The following AK9 variants were observed in gnomAD, a reference collection of about 807,000 sequenced individuals.
The protein encoded by AK9 is adenylate kinase domain containing 1.
AK9 carries 191 observed loss-of-function variants against 239.6 expected under a neutral mutation model. That is an observed-to-expected ratio of 0.80 (90% CI 0.71 to 0.90). The LOEUF (loss-of-function observed/expected upper bound fraction) is 0.90, where lower values mean the gene tolerates loss of function less well. Among genes scored for constraint, AK9 ranks in the 40% least tolerant of loss-of-function variants. The pLI is 0.00. For synonymous variants in AK9, 689 were observed against 721.0 expected (o/e 0.96, Z 0.71); for missense variants, 1,995 against 2,214.7 (o/e 0.90, Z 1.99).
Position 109,672,107 on chromosome 6 carries a change from T to G in AK9, c.234+8A>C, listed in dbSNP as rs1771001826. 3 of 1,613,358 alleles carry G rather than the reference T, an allele frequency of 1.9e-6. No homozygotes were observed. On this transcript the variant is annotated splice_region_variant and intron_variant, in intron 4 of 40. Transcript: ENST00000424296. Reference sequence around the variant, plus strand: ...ATCATAGTTACTTTGAAATTTAGGTTTGTTTACCATAACTCCTGATTCGGT... The same window carrying G: ...ATCATAGTTACTTTGAAATTTAGGTGTGTTTACCATAACTCCTGATTCGGT...
At position 109,648,576 on chromosome 6, in the gene AK9, C is replaced by T. The variant is rs541939362; in HGVS notation, c.760-3888G>A. Among the ~76,000 whole-genome samples the T allele has an allele frequency of 4.0e-3, 604 of 152,222 alleles. 1 individual carries two copies. The highest frequency in any genetic ancestry group is 0.013 in the African/African-American group (556 of 41,542). On this transcript the variant is annotated intron_variant, in intron 8 of 40. Coordinates refer to ENST00000424296, the MANE Select transcript of AK9 (RefSeq NM_001145128.3). ...AATCTCTGAATAGACCAATAACAGG[C>T]TCTGAAATTGACGCAATAATCAATA...
chr6:109,504,862 G>A (rs187692689), intron 35 of AK9, among the ~76,000 whole-genome samples: 3 of 152,216 alleles, frequency 2.0e-5, no homozygotes, highest in Non-Finnish European at 4.4e-5. Flanking sequence ...GCAACTCTAC[G>A]CCTGAAAGTA....
chr6:109,636,750 T>TCACACACACACACACACACACACACACA (rs57475668), intron 10 of AK9, among the ~76,000 whole-genome samples: 4 of 135,574 alleles, frequency 3.0e-5, no homozygotes, highest in East Asian at 4.6e-4. Flanking sequence ...TAATATTCCA[T>TCACACACACACACACACACACACACACA]CACACACACA....
chr6:109,517,311 A>G (rs1779379701), intron 29 of AK9, among the ~76,000 whole-genome samples: 1 of 152,188 alleles, frequency 6.6e-6, no homozygotes, highest in Non-Finnish European at 1.5e-5. Flanking sequence ...AAATTGTTTA[A>G]AAATTTCTTT....
chr6:109,576,145 G>A (rs989610325), intron 20 of AK9, among the ~76,000 whole-genome samples: 1 of 151,918 alleles, frequency 6.6e-6, no homozygotes, highest in Non-Finnish European at 1.5e-5. Context: ...GTCTTCCTTG[G>A]CTATGTGGGA....
chr6:109,597,545 C>T (rs988417527), intron 17 of AK9, among the ~76,000 whole-genome samples: 9 of 151,808 alleles, frequency 5.9e-5, no homozygotes, highest in East Asian at 1.9e-4. Context: ...TGGTGGCGGG[C>T]GCCTGTAGCC....
At chr6:109,545,837 C>CAAACAAA (rs1464125614) in intron 26 of AK9, 30 bp downstream of exon 26, 1 of 1,570,950 alleles carries the variant, frequency 6.4e-7, no homozygotes, top group Non-Finnish European at 8.6e-7. Context: ...AAAAACAAAA[C>CAAACAAA]AAACAAAAAA....
chr6:109,620,383 A>G (rs554303649), intron 12 of AK9, among the ~76,000 whole-genome samples: 6 of 152,284 alleles, frequency 3.9e-5, no homozygotes, highest in Admixed American at 2.0e-4. Flanking sequence ...TTAAATTTAC[A>G]GTTCCTGAAT....
intron 24 of AK9, among the ~76,000 whole-genome samples, chr6:109,554,533 T>C (rs1366774814): frequency 2.9e-4 from 39 of 136,636 alleles, no homozygotes; most frequent in Admixed American, 1.1e-3. Context: ...TTCTTTTTTT[T>C]TTTTTTTTTT....
rs1650807151 is a variant in AK9 at position 109,563,516 on chromosome 6, C to A, written c.2751+81G>T. On this transcript the variant is annotated intron_variant, in intron 24 of 40. Transcript: ENST00000424296. Reference sequence around the variant, plus strand: ...TGAGAATGTCTGTTCACTTGGGGTCCAAAAGTGATAGTTACCACTCTTATT... The same window carrying A: ...TGAGAATGTCTGTTCACTTGGGGTCAAAAAGTGATAGTTACCACTCTTATT... The A allele has an allele frequency of 2.7e-6, 4 of 1,504,396 alleles. No individual in the cohort carries two copies. In the East Asian group the frequency reaches 7.5e-5, roughly 28 times the overall value. The allele number at this position is 1,504,396 out of a possible 1,614,324, so 93.2% of individuals were successfully genotyped here. A position where few individuals can be genotyped will look rare whatever the true frequency, so the allele number is the denominator to read the frequency against.
rs374029646 is a variant in AK9 at position 109,647,364 on chromosome 6, C to T, written c.760-2676G>A. Among the ~76,000 whole-genome samples the T allele has an allele frequency of 4.9e-4, 75 of 152,162 alleles. No individual in the cohort carries two copies. In the East Asian group the frequency reaches 9.9e-3, roughly 20 times the overall value. The stretch of plus-strand genomic sequence containing the variant: ...GACCCATCTCACGTGCAGAGACACA[C>T]ATAGGCTCAAAATAAAGGGATGGAG... On this transcript the variant is annotated intron_variant, in intron 8 of 40. Transcript: ENST00000424296.
intron 33 of AK9, among the ~76,000 whole-genome samples, chr6:109,508,265 G>A (rs775210427): frequency 4.9e-4 from 74 of 152,300 alleles, no homozygotes; most frequent in Non-Finnish European, 8.8e-4. Context: ...CAACTTCTTT[G>A]TCCTGTGAAG....
At chr6:109,517,880 G>A (rs575659318) in intron 29 of AK9, among the ~76,000 whole-genome samples, 28 of 152,126 alleles carry the variant, frequency 1.8e-4, no homozygotes, top group African/African-American at 5.5e-4. Context: ...CCTCCACACC[G>A]TTCTCCCTGT....
intron 32 of AK9, among the ~76,000 whole-genome samples, chr6:109,512,444 C>T (rs1172315415): frequency 6.6e-6 from 1 of 152,212 alleles, no homozygotes; most frequent in Non-Finnish European, 1.5e-5. Flanking sequence ...TCACTGTACT[C>T]TATGGACTCG....
chr6:109,587,600 C>A (rs913038527), intron 17 of AK9, among the ~76,000 whole-genome samples: 1 of 152,026 alleles, frequency 6.6e-6, no homozygotes, highest in Non-Finnish European at 1.5e-5. Flanking sequence ...TGAGAACATG[C>A]GGTATTTGTC....
At chr6:109,531,073 C>G (rs1360075520) in intron 28 of AK9, among the ~76,000 whole-genome samples, 1 of 151,922 alleles carries the variant, frequency 6.6e-6, no homozygotes, top group African/African-American at 2.4e-5. Context: ...AAAGAAACTA[C>G]CAGATACGGG....
intron 33 of AK9, among the ~76,000 whole-genome samples, chr6:109,507,622 A>G (rs1434410448): frequency 6.6e-6 from 1 of 152,192 alleles, no homozygotes; most frequent in Non-Finnish European, 1.5e-5. Context: ...AAGCTCAGGA[A>G]ACTCCCTGTG....
intron 10 of AK9, among the ~76,000 whole-genome samples, chr6:109,636,581 C>T (rs1283140404): frequency 6.6e-6 from 1 of 151,184 alleles, no homozygotes. Context: ...CCCTGGTAAC[C>T]TCTATCCTAC....
chr6:109,627,133 C>CTTTTTTTTTTTTTTTTT lies in AK9; in HGVS notation c.1254+5773_1254+5789dup, dbSNP rs71018357. Among the ~76,000 whole-genome samples the CTTTTTTTTTTTTTTTTT allele has an allele frequency of 3.0e-5, 2 of 67,318 alleles. 1 individual carries two copies. 44.2% of individuals were successfully genotyped at this position (67,318 alleles called of 152,430 possible). ...TTTTTTCTATTTTTCGATGTTTAAG[C>CTTTTTTTTTTTTTTTTT]TTTTTTTTTTTTTTTTTTTTTTTTT... On this transcript the variant is annotated intron_variant, in intron 12 of 40. Transcript: ENST00000424296.
Sources: gnomAD v4.1 joint callset for allele counts (sites outside exome capture counted in the v4.1 genomes callset) on GRCh38, gnomAD v4.1.1 for gene constraint, MANE v1.5 for transcripts, NCBI Gene and HGNC (gene_info 2026-07-23, HGNC 2026-07-21) for gene names.